The following PDE11A variants were observed in gnomAD, a reference collection of about 807,000 sequenced individuals.
PDE11A encodes the protein phosphodiesterase 11A.
Under a neutral mutation model 100.5 loss-of-function variants are expected in PDE11A, and 100 were observed. The observed-to-expected ratio is 1.00, with a 90% CI of 0.85 to 1.18. The LOEUF (loss-of-function observed/expected upper bound fraction) is 1.18, where lower values mean the gene tolerates loss of function less well. PDE11A is among the 50% of genes most tolerant of loss of function. The pLI is 0.00. For synonymous variants in PDE11A, 381 were observed against 420.8 expected, an observed-to-expected ratio of 0.91 and a Z score of 1.16; for missense variants, 1,141 against 1,152.6, an observed-to-expected ratio of 0.99 and a Z score of 0.15.
chr2:177,674,559 C>G (rs1017829571), intron 17 of PDE11A, among the ~76,000 whole-genome samples: 1 of 152,172 alleles, frequency 6.6e-6, no homozygotes, highest in African/African-American at 2.4e-5. Context: ...TTAGGGCACA[C>G]CTGGATAATC....
intron 10 of PDE11A, among the ~76,000 whole-genome samples, chr2:177,744,264 GC>G (rs1043291363): frequency 1.3e-5 from 2 of 152,004 alleles, no homozygotes; most frequent in Non-Finnish European, 2.9e-5. Flanking sequence ...CTTGCAGGGT[GC>G]CCCTGAAGTC....
intron 1 of PDE11A, among the ~76,000 whole-genome samples, chr2:178,039,525 TAA>T (rs2086658075): frequency 6.6e-6 from 1 of 151,900 alleles, no homozygotes; most frequent in African/African-American, 2.4e-5. Flanking sequence ...CCCCCAAACC[TAA>T]GAGTTAAAAA....
At chr2:178,016,692 A>G (rs550939985) in intron 1 of PDE11A, among the ~76,000 whole-genome samples, 190 of 152,330 alleles carry the variant, frequency 1.2e-3, no homozygotes, top group African/African-American at 4.2e-3. Context: ...CGAGACTTCA[A>G]TCATGAGTAA....
At chr2:178,008,757 A>T (rs1487329178) in intron 2 of PDE11A, among the ~76,000 whole-genome samples, 1 of 152,158 alleles carries the variant, frequency 6.6e-6, no homozygotes, top group African/African-American at 2.4e-5. Flanking sequence ...GCAGAGCAGC[A>T]TCATCAGTAA....
intron 2 of PDE11A, among the ~76,000 whole-genome samples, chr2:178,084,231 T>C (rs1051509600): frequency 3.9e-5 from 6 of 152,248 alleles, no homozygotes; most frequent in East Asian, 1.9e-4. Flanking sequence ...ATGTTTATTC[T>C]AACCAGAATT....
At chr2:177,940,284 G>T (rs1464889566) in intron 2 of PDE11A, among the ~76,000 whole-genome samples, 2 of 151,966 alleles carry the variant, frequency 1.3e-5, no homozygotes, top group Admixed American at 6.6e-5. Context: ...CTCCAATTTG[G>T]TTTTTTCTTC....
At position 177,657,180 on chromosome 2, in the gene PDE11A, A is replaced by G. The variant is rs143915013; in HGVS notation, c.2646+6686T>C. Among the ~76,000 whole-genome samples the G allele has an allele frequency of 2.7e-3, 416 of 152,326 alleles. 4 individuals carry two copies. Among genetic ancestry groups the G allele is most frequent in the African/African-American group, 9.6e-3 (397 of 41,560 alleles). The stretch of plus-strand genomic sequence containing the variant: ...AATGTTTCTCTTCCATTCATATTTG[A>G]CTAATAACACATAGAATATTTTCTG... On this transcript the variant is annotated intron_variant, in intron 19 of 19. Coordinates refer to ENST00000286063, the MANE Select transcript of PDE11A (RefSeq NM_016953.4).
rs3056937 is a variant in PDE11A at position 177,700,402 on chromosome 2, C to CA, written c.2244+718dup. Among the ~76,000 whole-genome samples the CA allele has an allele frequency of 9.8e-3, 1,423 of 145,110 alleles. 25 individuals are homozygous for CA. The highest frequency in any genetic ancestry group is 0.035 in the African/African-American group (1,356 of 38,572). ...GGAACAGATGATCCCTTCCTGGCCT[C>CA]AAAAAAAAAAAAAAAAGTCTGTACG... On this transcript the variant is annotated intron_variant, in intron 14 of 19. Transcript: ENST00000286063.
chr2:177,982,303 T>C (rs148367066), intron 2 of PDE11A, among the ~76,000 whole-genome samples: 44 of 150,950 alleles, frequency 2.9e-4, no homozygotes, highest in African/African-American at 1.0e-3. Flanking sequence ...TGGAACTTAA[T>C]GCCCAAACAC....
chr2:177,659,080 G>A (rs1173360135), intron 19 of PDE11A, among the ~76,000 whole-genome samples: 2 of 151,946 alleles, frequency 1.3e-5, no homozygotes, highest in Non-Finnish European at 2.9e-5. Context: ...CCAACATGGT[G>A]AAACCCCATC....
intron 13 of PDE11A, among the ~76,000 whole-genome samples, chr2:177,704,943 C>T (rs1357994026): frequency 5.3e-5 from 8 of 152,058 alleles, no homozygotes; most frequent in East Asian, 1.9e-4. Flanking sequence ...TGGGTTCAAG[C>T]GACTCTCTTG....
intron 12 of PDE11A, among the ~76,000 whole-genome samples, chr2:177,717,765 C>T (rs751708471): frequency 4.6e-5 from 7 of 152,122 alleles, no homozygotes; most frequent in African/African-American, 1.4e-4. Context: ...CCAGCCACTA[C>T]GGCATATAAT....
intron 1 of PDE11A, among the ~76,000 whole-genome samples, chr2:178,053,785 C>T (rs2086860848): frequency 6.6e-6 from 1 of 152,070 alleles, no homozygotes; most frequent in Admixed American, 6.6e-5. Context: ...GAATAAAATA[C>T]CTAGGAATAC....
chr2:178,068,444 T>C (rs1279351215), intron 1 of PDE11A, among the ~76,000 whole-genome samples: 1 of 152,064 alleles, frequency 6.6e-6, no homozygotes, highest in Non-Finnish European at 1.5e-5. Context: ...AATGCCTTTC[T>C]CTTGCCCATA....
At chr2:178,038,449 T>C (rs1246107773) in intron 1 of PDE11A, among the ~76,000 whole-genome samples, 1 of 151,438 alleles carries the variant, frequency 6.6e-6, no homozygotes, top group Non-Finnish European at 1.5e-5. Context: ...AATCAAGCAA[T>C]AAAGAAGAAA....
At chr2:177,965,157 T>G (rs757210008) in intron 2 of PDE11A, among the ~76,000 whole-genome samples, 21 of 152,350 alleles carry the variant, frequency 1.4e-4, no homozygotes, top group Middle Eastern at 6.8e-3. Context: ...GCTGGCCGTA[T>G]GTATGTCTTC....
chr2:177,996,638 T>C (rs1202133780), intron 2 of PDE11A, among the ~76,000 whole-genome samples: 1 of 152,166 alleles, frequency 6.6e-6, no homozygotes, highest in African/African-American at 2.4e-5. Context: ...CTCCTAAAAA[T>C]GTAATGTCAT....
chr2:178,058,072 G>A (rs1223243074), intron 1 of PDE11A, among the ~76,000 whole-genome samples: 2 of 152,014 alleles, frequency 1.3e-5, no homozygotes, highest in Non-Finnish European at 2.9e-5. Context: ...TGGCCAGGCT[G>A]GTCTTGAACT....
At chr2:178,034,846 A>AAT (rs879778249) in intron 1 of PDE11A, among the ~76,000 whole-genome samples, 2 of 151,624 alleles carry the variant, frequency 1.3e-5, no homozygotes, top group East Asian at 1.9e-4. Context: ...GACACAACAT[A>AAT]CCAGAATCTC....
Sources: allele counts gnomAD v4.1 joint callset (sites outside exome capture counted in the v4.1 genomes callset), GRCh38; gene constraint gnomAD v4.1.1; transcripts MANE v1.5; gene names NCBI Gene and HGNC (gene_info 2026-07-23, HGNC 2026-07-21).